The following HS6ST3 variants were observed in gnomAD, a reference collection of about 807,000 sequenced individuals.
HS6ST3 encodes the protein heparan sulfate 6-O-sulfotransferase 3.
A neutral mutation model predicts 36.7 loss-of-function variants in HS6ST3; 12 were observed. That is an observed-to-expected ratio of 0.33 (90% CI 0.21 to 0.53). The LOEUF (loss-of-function observed/expected upper bound fraction) is 0.53. Ranked by LOEUF, HS6ST3 falls within the 20% of genes least tolerant of loss-of-function variation. The probability of loss-of-function intolerance (pLI) is 0.95; values close to 1 mark genes in which losing one functional copy is unlikely to be tolerated. For synonymous variants in HS6ST3, 240 were observed against 257.5 expected, an observed-to-expected ratio of 0.93 and a Z score of 0.65; for missense variants, 584 against 640.9, an observed-to-expected ratio of 0.91 and a Z score of 0.96.
At chr13:96,493,713 A>G (rs374269713) in intron 1 of HS6ST3, among the ~76,000 whole-genome samples, 3 of 152,222 alleles carry the variant, frequency 2.0e-5, no homozygotes, top group African/African-American at 7.2e-5. Flanking sequence ...CTATGAAAAA[A>G]GGATAAAGTT....
At chr13:96,361,097 T>C (rs1462620541) in intron 1 of HS6ST3, among the ~76,000 whole-genome samples, 1 of 152,232 alleles carries the variant, frequency 6.6e-6, no homozygotes, top group Non-Finnish European at 1.5e-5. Flanking sequence ...AATTGGGCTA[T>C]TAATAGCTAA....
intron 1 of HS6ST3, among the ~76,000 whole-genome samples, chr13:96,282,840 G>GA (rs1359603436): frequency 2.6e-5 from 4 of 152,140 alleles, no homozygotes. Flanking sequence ...CTTGCAAGCA[G>GA]AGTTTTAGAA....
chr13:96,388,596 C>CT (rs1258348669), intron 1 of HS6ST3, among the ~76,000 whole-genome samples: 1 of 152,124 alleles, frequency 6.6e-6, no homozygotes. Flanking sequence ...TCTTTCTATA[C>CT]TTTTTTAAAG....
At chr13:96,158,621 C>T (rs1305551268) in intron 1 of HS6ST3, among the ~76,000 whole-genome samples, 1 of 134,178 alleles carries the variant, frequency 7.5e-6, no homozygotes, top group Non-Finnish European at 1.5e-5. Context: ...CCATTGTGCT[C>T]CAGCCTGGGA....
chr13:96,660,090 T>A (rs962872226), intron 1 of HS6ST3, among the ~76,000 whole-genome samples: 14 of 152,098 alleles, frequency 9.2e-5, no homozygotes, highest in Non-Finnish European at 1.9e-4. Context: ...TGCACCCTCA[T>A]TTCAAACCAA....
intron 1 of HS6ST3, among the ~76,000 whole-genome samples, chr13:96,814,561 A>T (rs1878381689): frequency 6.6e-6 from 1 of 152,084 alleles, no homozygotes; most frequent in South Asian, 2.1e-4. Context: ...AGACTTAGGA[A>T]ATAGTCTAAT....
At chr13:96,813,535 C>T (rs1356494250) in intron 1 of HS6ST3, among the ~76,000 whole-genome samples, 2 of 152,174 alleles carry the variant, frequency 1.3e-5, no homozygotes, top group African/African-American at 4.8e-5. Flanking sequence ...TTCTCTATCA[C>T]GCAGCAATAT....
chr13:96,592,774 A>C (rs1349943582), intron 1 of HS6ST3, among the ~76,000 whole-genome samples: 1 of 152,096 alleles, frequency 6.6e-6, no homozygotes, highest in Non-Finnish European at 1.5e-5. Flanking sequence ...CCTGGCCTGT[A>C]AGAGTTGCAC....
intron 1 of HS6ST3, among the ~76,000 whole-genome samples, chr13:96,167,353 T>C (rs1295088236): frequency 6.6e-6 from 1 of 152,220 alleles, no homozygotes; most frequent in East Asian, 1.9e-4. Flanking sequence ...TTTTCCCCTC[T>C]GCCAGAGTTA....
intron 1 of HS6ST3, among the ~76,000 whole-genome samples, chr13:96,207,640 A>G (rs1043164286): frequency 6.6e-5 from 10 of 152,212 alleles, no homozygotes; most frequent in African/African-American, 2.4e-4. Flanking sequence ...ATGGAATACT[A>G]TGCAGCCATA....
chr13:96,100,178 A>G (rs1167744776), intron 1 of HS6ST3, among the ~76,000 whole-genome samples: 4 of 152,182 alleles, frequency 2.6e-5, no homozygotes, highest in African/African-American at 7.2e-5. Context: ...TTTATCTGGT[A>G]TGCAATGGTT....
chr13:96,372,258 AC>A (rs766212850), intron 1 of HS6ST3, among the ~76,000 whole-genome samples: 40 of 151,924 alleles, frequency 2.6e-4, no homozygotes, highest in Non-Finnish European at 5.1e-4. Context: ...TTTTTTGCAT[AC>A]CTGTTGGCCA....
intron 1 of HS6ST3, among the ~76,000 whole-genome samples, chr13:96,777,614 C>T (rs747879619): frequency 7.9e-5 from 12 of 152,162 alleles, no homozygotes; most frequent in East Asian, 1.9e-4. Flanking sequence ...ATACAACTTA[C>T]GGGGATGTGA....
intron 1 of HS6ST3, among the ~76,000 whole-genome samples, chr13:96,741,527 G>A (rs1192572465): frequency 6.6e-6 from 1 of 152,028 alleles, no homozygotes; most frequent in Non-Finnish European, 1.5e-5. Context: ...CTCCAATGTG[G>A]CAAACATTTA....
In HS6ST3 at chr13:96,563,851, C is replaced by A. The variant is rs566892422; in HGVS notation, c.708-268639C>A. Among the ~76,000 whole-genome samples the A allele has an allele frequency of 2.6e-5, 4 of 152,310 alleles. No individual in the cohort carries two copies. In the East Asian group the frequency reaches 7.7e-4, roughly 29 times the overall value. On this transcript the variant is annotated intron_variant, in intron 1 of 1. Transcript: ENST00000376705. ...TCATGCACACCTTCTTACCCACTTTCATCTTACTGTCTTAGCCCCAAGCCT... is the reference window on the plus strand; with the variant it reads ...TCATGCACACCTTCTTACCCACTTTAATCTTACTGTCTTAGCCCCAAGCCT...
chr13:96,663,243 C>G (rs915599910), intron 1 of HS6ST3, among the ~76,000 whole-genome samples: 1 of 152,074 alleles, frequency 6.6e-6, no homozygotes, highest in Non-Finnish European at 1.5e-5. Context: ...ACCCCTGTCC[C>G]GGGGATCCTG....
intron 1 of HS6ST3, among the ~76,000 whole-genome samples, chr13:96,719,403 T>C (rs539752402): frequency 8.1e-4 from 123 of 152,308 alleles, no homozygotes; most frequent in Non-Finnish European, 1.2e-3. Context: ...GCTTTTTTTT[T>C]CCTGTAATGT....
intron 1 of HS6ST3, among the ~76,000 whole-genome samples, chr13:96,267,241 C>G (rs916453991): frequency 3.3e-5 from 5 of 152,204 alleles, no homozygotes; most frequent in African/African-American, 1.2e-4. Context: ...CATTAAACCT[C>G]TTTCCTTTAT....
chr13:96,329,296 C>T lies in HS6ST3; in HGVS notation c.707+237727C>T, dbSNP rs1422256942. ...GTCAGGGTGTCAATTTTGGATCTTTCCTGCTTTCTCTTGTGGGCATTTAGT... is the reference window on the plus strand; with the variant it reads ...GTCAGGGTGTCAATTTTGGATCTTTTCTGCTTTCTCTTGTGGGCATTTAGT... On this transcript the variant is annotated intron_variant, in intron 1 of 1. Transcript: ENST00000376705. Among the ~76,000 whole-genome samples the T allele has an allele frequency of 1.4e-4, 20 of 144,018 alleles. 1 individual carries two copies. Among genetic ancestry groups the T allele is most frequent in the Non-Finnish European group, 1.2e-4 (8 of 66,336 alleles). 94.5% of individuals were successfully genotyped at this position (144,018 alleles called of 152,430 possible).
Sources: allele counts gnomAD v4.1 joint callset (sites outside exome capture counted in the v4.1 genomes callset), GRCh38; gene constraint gnomAD v4.1.1; transcripts MANE v1.5; gene names NCBI Gene and HGNC (gene_info 2026-07-23, HGNC 2026-07-21).